The following METTL6 variants were observed in gnomAD, a reference collection of about 807,000 sequenced individuals.
METTL6 encodes tRNA N(3)-cytidine methyltransferase METTL6.
Under a neutral mutation model 26.4 loss-of-function variants are expected in METTL6, and 22 were observed. That is an observed-to-expected ratio of 0.83 (90% CI 0.59 to 1.19). The LOEUF is 1.19. Among genes scored for constraint, METTL6 ranks in the 50% most tolerant of loss-of-function variants. The pLI is 0.00. For missense variants in METTL6, 304 were observed against 324.8 expected (o/e 0.94, Z 0.49); for synonymous variants, 109 against 116.2 (o/e 0.94, Z 0.40).
chr3:15,413,900 T>C (rs1283816392), intron 5 of METTL6, 121 bp downstream of exon 5: 1 of 1,553,646 alleles, frequency 6.4e-7, no homozygotes, highest in Non-Finnish European at 8.7e-7. Flanking sequence ...AGTAGAGGGC[T>C]TGTTTCAGGG....
Position 15,411,208 on chromosome 3 carries a change from T to A in METTL6, c.*48A>T, listed in dbSNP as rs752982561. The stretch of plus-strand genomic sequence containing the variant: ...CCGCACCCAGACGAAAGAGTGATTT[T>A]AAATTTTCCTCTTCAAGGGAAGGTA... On this transcript the variant is annotated 3_prime_UTR_variant, in exon 6 of 6. Coordinates refer to ENST00000383790, the MANE Select transcript of METTL6 (RefSeq NM_152396.4). 13 of 1,572,704 alleles carry A rather than the reference T, an allele frequency of 8.3e-6. No homozygotes were observed. The African/African-American group carries it at 1.8e-4, about 22-fold the overall frequency.
intron 3 of METTL6, among the ~76,000 whole-genome samples, chr3:15,417,883 C>T (rs754265834): frequency 1.3e-4 from 20 of 152,154 alleles, no homozygotes; most frequent in South Asian, 2.1e-4. Flanking sequence ...ACCCCACCAT[C>T]GAATCTCCAA....
In METTL6 at chr3:15,411,307, C is replaced by T; in HGVS notation, c.804G>A (p.Lys268=). 1.9e-6 allele frequency: 3 copies of T among 1,614,180 alleles called. No individual in the cohort carries two copies. The highest frequency in any genetic ancestry group is 2.5e-6 in the Non-Finnish European group (3 of 1,180,016). The change falls in exon 6 of 6, where the codon AAG becomes AAA. Residue 268 remains lysine, a synonymous_variant. Transcript: ENST00000383790. ...PRVFLQSKFL[K]PPKNPSPVVL... ...CCACAGGAGATGGGTTCTTAGGAGG[C>T]TTTAGAAATTTGCTCTGAAGGAAAA...
intron 6 of METTL6, among the ~76,000 whole-genome samples, chr3:15,389,572 G>A (rs574613846): frequency 4.0e-5 from 6 of 151,456 alleles, no homozygotes; most frequent in East Asian, 1.9e-4. Flanking sequence ...TTTTTGAGAC[G>A]GAATTTCACT....
chr3:15,415,177 G>A (rs1300605640), intron 4 of METTL6, among the ~76,000 whole-genome samples: 1 of 152,216 alleles, frequency 6.6e-6, no homozygotes, highest in Non-Finnish European at 1.5e-5. Flanking sequence ...CGGTGCTAAT[G>A]ACTGATACAT....
At chr3:15,413,139 G>A (rs1160223843) in intron 5 of METTL6, among the ~76,000 whole-genome samples, 1 of 152,170 alleles carries the variant, frequency 6.6e-6, no homozygotes, top group East Asian at 1.9e-4. Flanking sequence ...TTGCTACTTG[G>A]GAGGCTGAGG....
At chr3:15,425,354 T>C (rs1384188412) in intron 2 of METTL6, among the ~76,000 whole-genome samples, 4 of 152,220 alleles carry the variant, frequency 2.6e-5, no homozygotes, top group African/African-American at 9.6e-5. Context: ...CCCTGCATTC[T>C]ATCCTTGGGT....
At chr3:15,424,311 G>C (rs1175397636) in intron 3 of METTL6, among the ~76,000 whole-genome samples, 1 of 152,172 alleles carries the variant, frequency 6.6e-6, no homozygotes, top group African/African-American at 2.4e-5. Context: ...CTGTCACCTA[G>C]GCTGGAGTGC....
intron 6 of METTL6, among the ~76,000 whole-genome samples, chr3:15,394,906 T>A (rs1330604613): frequency 1.3e-5 from 2 of 152,172 alleles, no homozygotes; most frequent in Non-Finnish European, 2.9e-5. Flanking sequence ...TGCTGAGGAG[T>A]GCTTTACTTC....
intron 6 of METTL6, among the ~76,000 whole-genome samples, chr3:15,399,148 C>T (rs1487069867): frequency 6.6e-6 from 1 of 152,116 alleles, no homozygotes; most frequent in African/African-American, 2.4e-5. Context: ...CCTATATGGT[C>T]TAAAAGGGGG....
At chr3:15,411,534 AT>A in intron 5 of METTL6, 97 bp from the exon 6 acceptor site, 3 of 1,205,458 alleles carry the variant, frequency 2.5e-6, no homozygotes, top group Non-Finnish European at 3.4e-6. Flanking sequence ...CTATTTTAAT[AT>A]TTTTTTAAAT....
At chr3:15,392,069 A>C (rs955262193) in intron 6 of METTL6, among the ~76,000 whole-genome samples, 5 of 152,156 alleles carry the variant, frequency 3.3e-5, no homozygotes, top group African/African-American at 1.2e-4. Context: ...CTGAGGAATC[A>C]CCACACTGAC....
chr3:15,391,308 T>A (rs1699338286), intron 6 of METTL6, among the ~76,000 whole-genome samples: 1 of 152,256 alleles, frequency 6.6e-6, no homozygotes, highest in South Asian at 2.1e-4. Context: ...GGTTCCAGGC[T>A]TAAGGGTGGG....
chr3:15,417,627 ATATACTG>A (rs1212096925), intron 3 of METTL6, among the ~76,000 whole-genome samples: 1 of 152,160 alleles, frequency 6.6e-6, no homozygotes, highest in African/African-American at 2.4e-5. Context: ...ACAGACCTGT[ATATACTG>A]TATATATAAA....
intron 4 of METTL6, chr3:15,414,817 G>C (rs1281900142): frequency 4.2e-6 from 2 of 472,458 alleles, no homozygotes; most frequent in East Asian, 1.4e-4. Context: ...AACTACTTCA[G>C]AGGCTGAGGT....
chr3:15,407,015 G>A (rs575136450), downstream of METTL6, among the ~76,000 whole-genome samples: 3 of 151,836 alleles, frequency 2.0e-5, no homozygotes, highest in South Asian at 6.2e-4. Flanking sequence ...TTTAAATATT[G>A]TTTTTATTGT....
chr3:15,407,531 G>T (rs999276726), downstream of METTL6, among the ~76,000 whole-genome samples: 3 of 152,144 alleles, frequency 2.0e-5, no homozygotes, highest in African/African-American at 7.2e-5. Context: ...ATTCTTACTT[G>T]TCTCTTGGCC....
At chr3:15,423,827 T>A (rs973645897) in intron 3 of METTL6, among the ~76,000 whole-genome samples, 3 of 152,080 alleles carry the variant, frequency 2.0e-5, no homozygotes, top group African/African-American at 7.2e-5. Flanking sequence ...AAGGCTGCAG[T>A]GAGTTGTGAT....
chr3:15,394,099 A>G (rs1699421932), intron 6 of METTL6, among the ~76,000 whole-genome samples: 1 of 152,214 alleles, frequency 6.6e-6, no homozygotes, highest in Non-Finnish European at 1.5e-5. Flanking sequence ...AACCTCTGGT[A>G]GAATTCGGCT....
Sources: gnomAD v4.1 joint callset for allele counts (sites outside exome capture counted in the v4.1 genomes callset) on GRCh38, gnomAD v4.1.1 for gene constraint, MANE v1.5 for transcripts, NCBI Gene and HGNC (gene_info 2026-07-23, HGNC 2026-07-21) for gene names.